The following NOTCH4 variants were observed in gnomAD, a reference collection of about 807,000 sequenced individuals.
NOTCH4 encodes notch receptor 4.
A neutral mutation model predicts 189.0 loss-of-function variants in NOTCH4; 138 were observed. The ratio of observed to expected loss-of-function variants is 0.73; its 90% CI spans 0.64 to 0.84. The LOEUF is 0.84. NOTCH4 is among the 40% of genes least tolerant of loss of function. The pLI is 0.00. For synonymous variants in NOTCH4, 942 were observed against 1,032.8 expected (o/e 0.91, Z 1.69); for missense variants, 2,286 against 2,605.4 (o/e 0.88, Z 2.67).
Position 32,201,175 on chromosome 6 carries a change from C to G in NOTCH4, c.4081G>C (p.Glu1361Gln). 1 of 1,612,890 alleles carries G rather than the reference C, an allele frequency of 6.2e-7. No homozygotes were observed. Among genetic ancestry groups the G allele is most frequent in the Non-Finnish European group, 8.5e-7 (1 of 1,179,910 alleles). The stretch of plus-strand genomic sequence containing the variant: ...GGCTGCGTTTGAGGGGCTGCTCTCT[C>G]CTGATAGGTGGGGTCCCGAGTTCCT... ...LGGTRDPTYQ[E>Q]RAAPQTQPLG... Residue 1361 changes from glutamate (E) to glutamine (Q), a missense_variant, in exon 22 of 30, where the codon GAG (glutamate) becomes CAG (glutamine). Physicochemically the swap from Glu to Gln is conservative, Grantham distance 29 (BLOSUM62 2). Coordinates refer to ENST00000375023, the MANE Select transcript of NOTCH4 (RefSeq NM_004557.4). The surrounding 1 kb of genome is among the most constrained non-coding windows in gnomAD (Gnocchi z 5.5).
At position 32,221,088 on chromosome 6, in the gene NOTCH4, C is replaced by G; in HGVS notation, c.689G>C (p.Arg230Pro). The G allele has an allele frequency of 6.2e-7, 1 of 1,613,138 alleles. No individual in the cohort carries two copies. Among genetic ancestry groups the G allele is most frequent in the Non-Finnish European group, 8.5e-7 (1 of 1,179,988 alleles). ...GCAGGGTCCTGCCCGCAGCTCACAACGTGGACCCTCCTGCCCCACAGGGCA... is the reference window on the plus strand; with the variant it reads ...GCAGGGTCCTGCCCGCAGCTCACAAGGTGGACCCTCCTGCCCCACAGGGCA... Reference protein sequence around the residue: ...CLCPVGQEGPRCELRAGPCPP... With the variant: ...CLCPVGQEGPPCELRAGPCPP... The change falls in exon 4 of 30, where the codon CGT becomes CCT. Residue 230 changes from arginine to proline, a missense_variant. Around this residue, in one of 2 missense-constraint regions of NOTCH4, gnomAD observed 1,903 missense variants for 2,261.9 expected, o/e 0.84. Coordinates refer to ENST00000375023, the MANE Select transcript of NOTCH4 (RefSeq NM_004557.4). The surrounding 1 kb of genome is among the most constrained non-coding windows in gnomAD (Gnocchi z 4.3).
chr6:32,220,268 C>T lies in NOTCH4; in HGVS notation c.1176G>A (p.Leu392=), dbSNP rs749030088. ...PPGRTGLLCH[L]EDMCLSQPCH... ...ACGGCTGGCTCAGACACATGTCTTC[C>T]AAGTGGCACAGGAGTCCTGGAGGGG... Residue 392 remains leucine, a synonymous_variant, in exon 7 of 30, where the codon TTG becomes TTA. Transcript: ENST00000375023. 4 of 1,613,368 alleles carry T rather than the reference C, an allele frequency of 2.5e-6. No homozygotes were observed. Among genetic ancestry groups the T allele is most frequent in the Non-Finnish European group, 3.4e-6 (4 of 1,179,644 alleles).
chr6:32,196,606 G>C (rs927196105), intron 28 of NOTCH4, among the ~76,000 whole-genome samples, 185 bp from the exon 29 acceptor site: 1 of 152,220 alleles, frequency 6.6e-6, no homozygotes, highest in Admixed American at 6.5e-5. Flanking sequence ...ACCAGTGCGC[G>C]GGAGGGACAA....
At position 32,219,639 on chromosome 6, in the gene NOTCH4, C is replaced by A. The variant is rs1439932445; in HGVS notation, c.1463G>T (p.Ser488Ile). ...GGTGGCAAGTAGGTCCAGACAGGTG[C>A]TTCCTGGGTGGCAGGGCTGGGAGAG... ...ECLSQPCHPG[S>I]TCLDLLATFH... The change falls in exon 8 of 30, where the codon AGC (serine) becomes ATC (isoleucine). Residue 488 changes from serine to isoleucine, a missense_variant. Coordinates refer to ENST00000375023, the MANE Select transcript of NOTCH4 (RefSeq NM_004557.4). 1 of 1,613,008 alleles carries A rather than the reference C, an allele frequency of 6.2e-7. No individual in the cohort carries two copies. The highest frequency in any genetic ancestry group is 8.5e-7 in the Non-Finnish European group (1 of 1,180,016).
In NOTCH4 at chr6:32,200,963, C is replaced by G; in HGVS notation, c.4183G>C (p.Asp1395His). 3.1e-6 allele frequency: 5 copies of G among 1,599,146 alleles called. No homozygotes were observed. The highest frequency in any genetic ancestry group is 4.3e-6 in the Non-Finnish European group (5 of 1,173,020). Residue 1395 changes from aspartate (D) to histidine (H), a missense_variant, in exon 23 of 30, where the codon GAC becomes CAC. Physicochemically the swap from Asp to His is moderately conservative, Grantham distance 81. Coordinates refer to ENST00000375023, the MANE Select transcript of NOTCH4 (RefSeq NM_004557.4). The surrounding 1 kb of genome is among the most constrained non-coding windows in gnomAD (Gnocchi z 5.0). ...MGVDLSRCGP[D>H]HPASRCPWDP... is the part of the protein sequence containing the mutation. ...CAGGGACAGCGGGATGCCGGGTGGT[C>G]AGGGCCACAGCGGGACAAATCCACA...
chr6:32,213,396 T>C (rs1258206611), intron 14 of NOTCH4, 144 bp from the exon 15 acceptor site: 7 of 628,432 alleles, frequency 1.1e-5, no homozygotes, highest in Non-Finnish European at 2.0e-5. Flanking sequence ...ATTTATATGA[T>C]ATTTTATTGT....
chr6:32,214,110 C>T lies in NOTCH4; in HGVS notation c.2167G>A (p.Gly723Arg), dbSNP rs764943793. ...GTATATGGTTTAGGGAGGGTCTCACCTGTGTAGCCTGTAGGGCAGGTGCAG... is the reference window on the plus strand; with the variant it reads ...GTATATGGTTTAGGGAGGGTCTCACTTGTGTAGCCTGTAGGGCAGGTGCAG... ...YNCTCPTGYT[G>R]PTCSEEMTAC... The change falls in exon 13 of 30, where the codon GGA becomes AGA. Residue 723 changes from glycine to arginine, a missense_variant and splice_region_variant. By Grantham distance (125) the Gly-to-Arg change is moderately radical. Around this residue, in one of 2 missense-constraint regions of NOTCH4, gnomAD observed 1,903 missense variants for 2,261.9 expected, o/e 0.84. Coordinates refer to ENST00000375023, the MANE Select transcript of NOTCH4 (RefSeq NM_004557.4). The T allele has an allele frequency of 1.9e-6, 3 of 1,610,066 alleles. No individual in the cohort carries two copies. The highest frequency in any genetic ancestry group is 2.5e-6 in the Non-Finnish European group (3 of 1,178,338).
Position 32,198,794 on chromosome 6 carries a change from C to A in NOTCH4, c.4536-64G>T. The A allele has an allele frequency of 1.3e-6, 2 of 1,522,924 alleles. No homozygotes were observed. Among genetic ancestry groups the A allele is most frequent in the Non-Finnish European group, 8.9e-7 (1 of 1,128,190 alleles). 94.3% of individuals were successfully genotyped at this position (1,522,924 alleles called of 1,614,324 possible). On this transcript the variant is annotated intron_variant, in intron 24 of 29. Transcript: ENST00000375023. The surrounding 1 kb of genome is among the most constrained non-coding windows in gnomAD (Gnocchi z 5.5). ...TGACCATCAGGGTCTCCAAAATTTC[C>A]AGCAGGCTTCCCACCCCTCTCTCCT...
Position 32,200,845 on chromosome 6 carries a change from G to T in NOTCH4, c.4301C>A (p.Pro1434His). The T allele has an allele frequency of 1.2e-6, 2 of 1,606,854 alleles. No homozygotes were observed. The highest frequency in any genetic ancestry group is 8.5e-7 in the Non-Finnish European group (1 of 1,177,208). ...GGGTCACCTACCGGTCCCTGCATGAGGGTGGACAGCCAGCAGTGGTCCAGG... is the reference window on the plus strand; with the variant it reads ...GGGTCACCTACCGGTCCCTGCATGATGGTGGACAGCCAGCAGTGGTCCAGG... ...LLPGPLLAVH[P>H]HAGTAPPANQ... The change falls in exon 23 of 30, where the codon CCT becomes CAT. Residue 1434 changes from proline to histidine, a missense_variant. By Grantham distance (77) the Pro-to-His change is moderately conservative (BLOSUM62 -2). This residue lies in a region of NOTCH4 where 1,903 missense variants were observed against 2,261.9 expected (regional missense o/e 0.84). Transcript: ENST00000375023. The surrounding 1 kb of genome is among the most constrained non-coding windows in gnomAD (Gnocchi z 5.0).
intron 18 of NOTCH4, among the ~76,000 whole-genome samples, chr6:32,204,820 A>G (rs1788572672): frequency 6.6e-6 from 1 of 152,248 alleles, no homozygotes; most frequent in African/African-American, 2.4e-5. Context: ...CAACCAGAGG[A>G]AAGAAATGAC....
In NOTCH4 at chr6:32,213,776, G is replaced by T; in HGVS notation, c.2232C>A (p.Cys744Ter). Residue 744 changes from cysteine to a stop codon, truncating the protein, a stop_gained, in exon 14 of 30, where the codon TGC becomes TGA. Transcript: ENST00000375023. LOFTEE classifies it high-confidence loss of function. Reference sequence around the variant, plus strand: ...AGTAGTAGCCTCCAGGGCTAGGGTTGCAGGAGCCGCCATTGAGACATGGCC... The same window carrying T: ...AGTAGTAGCCTCCAGGGCTAGGGTTTCAGGAGCCGCCATTGAGACATGGCC... ...HSGPCLNGGS[C>*]NPSPGGYYCT... 6.2e-7 allele frequency: 1 copy of T among 1,612,260 alleles called. No homozygotes were observed. The highest frequency in any genetic ancestry group is 1.1e-5 in the South Asian group (1 of 91,044).
chr6:32,209,601 G>C (rs58093512), intron 18 of NOTCH4, among the ~76,000 whole-genome samples: 105 of 152,262 alleles, frequency 6.9e-4, no homozygotes, highest in African/African-American at 2.5e-3. Context: ...TATCACATGT[G>C]TCCAGGTGCG....
In NOTCH4 at chr6:32,212,772, T is replaced by TTCCC. The variant is rs2127477878; in HGVS notation, c.2526+48_2526+51dup. ...CTGGGACCAGGTGACCCTCCCTGGT[T>TTCCC]TCCCTCCCAGCCACTTCCCTCCTCA... On this transcript the variant is annotated intron_variant, in intron 16 of 29. Coordinates refer to ENST00000375023, the MANE Select transcript of NOTCH4 (RefSeq NM_004557.4). This position sits in a 1 kb window ranked among gnomAD's most constrained non-coding sequence, Gnocchi z 4.4. The TTCCC allele has an allele frequency of 6.8e-7, 1 of 1,466,698 alleles. No homozygotes were observed. Among genetic ancestry groups the TTCCC allele is most frequent in the African/African-American group, 1.4e-5 (1 of 70,912 alleles). 90.9% of individuals were successfully genotyped at this position (1,466,698 alleles called of 1,614,324 possible).
intron 17 of NOTCH4, among the ~76,000 whole-genome samples, chr6:32,211,700 C>T (rs1168855794): frequency 6.6e-6 from 1 of 152,056 alleles, no homozygotes; most frequent in Non-Finnish European, 1.5e-5. Flanking sequence ...GTGTAGAGGC[C>T]TTTACCTTGG....
rs423023 is a variant in NOTCH4, at chr6:32,220,520, G to A, written c.1044C>T (p.Gly348=). 1.1e-4 allele frequency: 176 copies of A among 1,612,728 alleles called. No homozygotes were observed. In the East Asian group the frequency reaches 1.4e-3, roughly 12 times the overall value. ...CCAGGTTCTCCTCACAGCTTGTGCCGCCCCAGCCACTCACACACACGCAGT... is the reference window on the plus strand; with the variant it reads ...CCAGGTTCTCCTCACAGCTTGTGCCACCCCAGCCACTCACACACACGCAGT... ...SFHCVCVSGW[G]GTSCEENLDD... is the part of the protein sequence containing the mutation. The change falls in exon 6 of 30, where the codon GGC becomes GGT. Residue 348 remains glycine, a synonymous_variant. Coordinates refer to ENST00000375023, the MANE Select transcript of NOTCH4 (RefSeq NM_004557.4).
chr6:32,215,897 C>T (rs1480260433), intron 11 of NOTCH4: 1 of 153,894 alleles, frequency 6.5e-6, no homozygotes, highest in African/African-American at 2.4e-5. Context: ...CTCTGTCACC[C>T]AGGCTGGAGT....
chr6:32,222,549 G>A lies in NOTCH4; in HGVS notation c.413C>T (p.Ser138Leu), dbSNP rs781213120. 17 of 1,569,586 alleles carry A rather than the reference G, an allele frequency of 1.1e-5. No homozygotes were observed. The highest frequency in any genetic ancestry group is 1.4e-5 in the Non-Finnish European group (16 of 1,162,442). The change falls in exon 3 of 30, where the codon TCG becomes TTG. Residue 138 changes from serine (S) to leucine (L), a missense_variant. Physicochemically the swap from Ser to Leu is moderately radical, Grantham distance 145. This residue lies in a region of NOTCH4 where 1,903 missense variants were observed against 2,261.9 expected (regional missense o/e 0.84). Coordinates refer to ENST00000375023, the MANE Select transcript of NOTCH4 (RefSeq NM_004557.4). ...CATGCAGGAGCACTGTGGGCGGCCC[G>A]AGGCCTGGATGTGGCAGCGGCCCCT... ...SKRGRCHIQASGRPQCSCMPG... is the reference protein window; with the variant it reads ...SKRGRCHIQALGRPQCSCMPG...
Position 32,218,053 on chromosome 6 carries a change from G to T in NOTCH4, c.1566C>A (p.Cys522Ter). ...GGTCATGGCAATCCGCGTGGTTCAGGCAGGGAGCTGAGGCACACTCGTTGG... is the reference window on the plus strand; with the variant it reads ...GGTCATGGCAATCCGCGTGGTTCAGTCAGGGAGCTGAGGCACACTCGTTGG... ...VETNECASAPCLNHADCHDLL... is the reference protein window; with the variant it reads ...VETNECASAP The change falls in exon 9 of 30, where the codon TGC (cysteine) becomes TGA (stop). Residue 522 changes from cysteine (C) to a stop codon, truncating the protein, a stop_gained. Transcript: ENST00000375023. LOFTEE classifies it high-confidence loss of function. The T allele has an allele frequency of 1.2e-6, 2 of 1,614,012 alleles. No individual in the cohort carries two copies. Among genetic ancestry groups the T allele is most frequent in the South Asian group, 1.1e-5 (1 of 91,050 alleles).
At position 32,195,900 on chromosome 6, in the gene NOTCH4, A is replaced by G. The variant is rs1350412842; in HGVS notation, c.5549T>C (p.Val1850Ala). 3.8e-6 allele frequency: 6 copies of G among 1,586,042 alleles called. No individual in the cohort carries two copies. Among genetic ancestry groups the G allele is most frequent in the African/African-American group, 2.7e-5 (2 of 74,552 alleles). The change falls in exon 30 of 30, where the codon GTG becomes GCG. Residue 1850 changes from valine to alanine, a missense_variant. Physicochemically the swap from Val to Ala is moderately conservative, Grantham distance 64 (BLOSUM62 0). Transcript: ENST00000375023. The surrounding 1 kb of genome is among the most constrained non-coding windows in gnomAD (Gnocchi z 5.4). Reference sequence around the variant, plus strand: ...CAGAGCCCCGCCCCCATGCGGGGGCACGCTTACTGACACCGTCCGTGCGCG... The same window carrying G: ...CAGAGCCCCGCCCCCATGCGGGGGCGCGCTTACTGACACCGTCCGTGCGCG... Reference protein sequence around the residue: ...FPRARTVSVSVPPHGGGALPR... With the variant: ...FPRARTVSVSAPPHGGGALPR...
Sources: allele counts gnomAD v4.1 joint callset (sites outside exome capture counted in the v4.1 genomes callset), GRCh38; gene constraint gnomAD v4.1.1; regional missense constraint gnomAD v4.1.1; non-coding constraint Gnocchi (gnomAD v3.1); transcripts MANE v1.5; gene names NCBI Gene and HGNC (gene_info 2026-07-23, HGNC 2026-07-21).